HJURP: variants seen among roughly 807,000 people sequenced by gnomAD.
The protein encoded by HJURP is 14-3-3-associated AKT substrate.
In HJURP, 49 loss-of-function variants were observed where a neutral mutation model predicts 72.0. The observed-to-expected ratio is 0.68, with a 90% CI of 0.54 to 0.86. HJURP has a LOEUF of 0.86. HJURP is among the 40% of genes least tolerant of loss of function. HJURP has a pLI of 0.00. For synonymous variants in HJURP, 357 were observed against 347.1 expected (o/e 1.03, Z -0.32); for missense variants, 908 against 936.3 (o/e 0.97, Z 0.39).
chr2:233,847,442 G>C lies in HJURP; in HGVS notation c.357C>G (p.Val119=). The C allele has an allele frequency of 2.5e-6, 4 of 1,613,946 alleles. No individual in the cohort carries two copies. The highest frequency in any genetic ancestry group is 3.4e-6 in the Non-Finnish European group (4 of 1,179,854). The change falls in exon 5 of 9, where the codon GTC becomes GTG. Residue 119 remains valine, a synonymous_variant. Coordinates refer to ENST00000411486, the MANE Select transcript of HJURP (RefSeq NM_018410.5). ...ACTCTTCCTGGTCTGACGTGGCATCGACCTCACCGCTTTTTGAATCTAAAA... is the reference window on the plus strand; with the variant it reads ...ACTCTTCCTGGTCTGACGTGGCATCCACCTCACCGCTTTTTGAATCTAAAA... The part of the protein sequence containing the change: ...VLGADSKSGE[V]DATSDQEESV...
intron 8 of HJURP, among the ~76,000 whole-genome samples, chr2:233,838,416 G>C (rs1401564244): frequency 6.6e-6 from 1 of 152,142 alleles, no homozygotes; most frequent in Non-Finnish European, 1.5e-5. Context: ...GACTGAGCAG[G>C]TGAAAAAGCA....
chr2:233,841,974 T>A lies in HJURP; in HGVS notation c.806A>T (p.His269Leu), dbSNP rs1454254820. The change falls in exon 8 of 9, where the codon CAC (histidine) becomes CTC (leucine). Residue 269 changes from histidine (H) to leucine (L), a missense_variant. His to Leu is a moderately conservative substitution (Grantham distance 99, BLOSUM62 -3). Coordinates refer to ENST00000411486, the MANE Select transcript of HJURP (RefSeq NM_018410.5). ...TISDLYAGML[H>L]SMSRLLSTKP... ...TGTGCTCAACAGCCGGCTCATGGAG[T>A]GCAGCATCCCTGCGTACAGGTCACT... The A allele has an allele frequency of 6.8e-6, 11 of 1,613,990 alleles. No individual in the cohort carries two copies. The highest frequency in any genetic ancestry group is 9.3e-6 in the Non-Finnish European group (11 of 1,180,014).
chr2:233,853,870 GC>G lies in HJURP; in HGVS notation c.157del (p.Ala53ProfsTer3). 1 of 1,614,026 alleles carries G rather than the reference GC, an allele frequency of 6.2e-7. No homozygotes were observed. Among genetic ancestry groups the G allele is most frequent in the East Asian group, 2.2e-5 (1 of 44,868 alleles). On this transcript the variant is annotated frameshift_variant, in exon 2 of 9. Transcript: ENST00000411486. LOFTEE classifies it high-confidence loss of function. The stretch of plus-strand genomic sequence containing the variant: ...CTGTGGCGTCTCGTAGGTCAGCGTG[GC>G]CATTTGCACCACCGGGGTGTCCTCG... ...PFEDTPVVQM[A>X]TLTYETPQGL...
chr2:233,838,619 A>T (rs1705140375), intron 8 of HJURP, among the ~76,000 whole-genome samples: 1 of 152,262 alleles, frequency 6.6e-6, no homozygotes, highest in South Asian at 2.1e-4. Flanking sequence ...GACAAGCAGG[A>T]CGAGCAGAGC....
Position 233,840,978 on chromosome 2 carries a change from A to G in HJURP, c.1802T>C (p.Val601Ala), listed in dbSNP as rs1318544041. ...TGTAGACACTCCAATACATAAAGGC[A>G]CTGTCATCTGCCCAGGAGATTTGAG... ...YCLKSPGQMTVPLCIGVSTDK... is the reference protein window; with the variant it reads ...YCLKSPGQMTAPLCIGVSTDK... The change falls in exon 8 of 9, where the codon GTG (valine) becomes GCG (alanine). Residue 601 changes from valine (V) to alanine (A), a missense_variant. By Grantham distance (64) the Val-to-Ala change is moderately conservative. Transcript: ENST00000411486. The G allele has an allele frequency of 1.9e-6, 3 of 1,614,094 alleles. No homozygotes were observed. Among genetic ancestry groups the G allele is most frequent in the Non-Finnish European group, 2.5e-6 (3 of 1,180,040 alleles).
Position 233,847,465 on chromosome 2 carries a change from A to G in HJURP, c.338-4T>C, listed in dbSNP as rs752460615. 1.5e-5 allele frequency: 25 copies of G among 1,613,058 alleles called. No individual in the cohort carries two copies. The Admixed American group carries it at 3.7e-4, about 24-fold the overall frequency. On this transcript the variant is annotated splice_polypyrimidine_tract_variant and splice_region_variant and intron_variant, in intron 4 of 8. Coordinates refer to ENST00000411486, the MANE Select transcript of HJURP (RefSeq NM_018410.5). ...TCGACCTCACCGCTTTTTGAATCTA[A>G]AAGTCAAACAAGTAAATCTCAATCA...
chr2:233,838,563 A>G (rs1342394930), intron 8 of HJURP, among the ~76,000 whole-genome samples: 1 of 152,068 alleles, frequency 6.6e-6, no homozygotes, highest in Non-Finnish European at 1.5e-5. Flanking sequence ...GGATGATGGT[A>G]AAAGGAAGAG....
rs1213051352 is a variant in HJURP at position 233,846,750 on chromosome 2, C to T, written c.402+647G>A. Among the ~76,000 whole-genome samples, 1 of 152,196 alleles carries T rather than the reference C, an allele frequency of 6.6e-6. No homozygotes were observed. Among genetic ancestry groups the T allele is most frequent in the East Asian group, 1.9e-4 (1 of 5,184 alleles). On this transcript the variant is annotated intron_variant, in intron 5 of 8. Coordinates refer to ENST00000411486, the MANE Select transcript of HJURP (RefSeq NM_018410.5). This position sits in a 1 kb window ranked among gnomAD's most constrained non-coding sequence, Gnocchi z 4.3. ...AAAAGTAGCAATTTTAGAGGAAAACCATGCATCAGGTATTCTGGCAGGCAA... is the reference window on the plus strand; with the variant it reads ...AAAAGTAGCAATTTTAGAGGAAAACTATGCATCAGGTATTCTGGCAGGCAA...
In HJURP at chr2:233,840,714, T is replaced by C. The variant is rs1705200165; in HGVS notation, c.2066A>G (p.Gln689Arg). The C allele has an allele frequency of 2.5e-6, 4 of 1,614,068 alleles. No individual in the cohort carries two copies. Among genetic ancestry groups the C allele is most frequent in the Non-Finnish European group, 3.4e-6 (4 of 1,180,006 alleles). ...GGAATTGCCCTGGCGTCCGGAGCCC[T>C]GGGGTTCTGATAGCCTGGGTCTTTT... ...PAKRPRLSEP[Q>R]GSGRQGNSLG... is the part of the protein sequence containing the mutation. Residue 689 changes from glutamine (Q) to arginine (R), a missense_variant, in exon 8 of 9, where the codon CAG becomes CGG. By Grantham distance (43) the Gln-to-Arg change is conservative (BLOSUM62 1). Transcript: ENST00000411486.
intron 4 of HJURP, 74 bp from the exon 5 acceptor site, chr2:233,847,535 G>T: frequency 8.0e-7 from 1 of 1,251,116 alleles, no homozygotes; most frequent in Non-Finnish European, 1.2e-6. Flanking sequence ...GATGGTTTTG[G>T]CATCACTTCG....
intron 2 of HJURP, among the ~76,000 whole-genome samples, chr2:233,853,314 T>C (rs1705539470): frequency 6.6e-6 from 1 of 152,208 alleles, no homozygotes; most frequent in African/African-American, 2.4e-5. Context: ...ATCCACAAGA[T>C]TTCAGTCCGT....
In HJURP at chr2:233,840,778, T is replaced by C. The variant is rs746827335; in HGVS notation, c.2002A>G (p.Ile668Val). The C allele has an allele frequency of 2.0e-5, 33 of 1,613,520 alleles. No homozygotes were observed. In the African/African-American group the frequency reaches 2.1e-4, roughly 10 times the overall value. The change falls in exon 8 of 9, where the codon ATC becomes GTC. Residue 668 changes from isoleucine to valine, a missense_variant. Ile to Val is a conservative substitution (Grantham distance 29). This residue lies in a region of HJURP where 598 missense variants were observed against 619.5 expected (regional missense o/e 0.97). Transcript: ENST00000411486. ...APSSTCVARA[I>V]TRDGTRDHQF... ...TGGTCCCTCGTGCCATCCCTCGTGA[T>C]GGCACGAGCAACACATGTAGATGAA... is the stretch of plus-strand genomic sequence containing the variant.
At chr2:233,842,327 A>G in intron 7 of HJURP, 122 bp from the exon 8 acceptor site, 1 of 764,350 alleles carries the variant, frequency 1.3e-6, no homozygotes. Context: ...CAAAAACAAA[A>G]ACACCACAAA....
In HJURP at chr2:233,854,359, C is replaced by G. The variant is rs199850588; in HGVS notation, c.117+25G>C. On this transcript the variant is annotated intron_variant, in intron 1 of 8. Coordinates refer to ENST00000411486, the MANE Select transcript of HJURP (RefSeq NM_018410.5). ...TCACTCCGACACGCAGGCCTCCCCT[C>G]CCGGCGGACCGGCGGGGGCCGCACC... 2.0e-5 allele frequency: 31 copies of G among 1,556,910 alleles called. No homozygotes were observed. In the East Asian group the frequency reaches 7.0e-4, roughly 35 times the overall value.
intron 3 of HJURP, 108 bp from the exon 4 acceptor site, chr2:233,849,967 A>C (rs1705461277): frequency 1.5e-6 from 1 of 689,314 alleles, no homozygotes; most frequent in South Asian, 1.7e-5. Context: ...AGGAGACAGC[A>C]AGAGCCTGCC....
rs375087542 is a variant in HJURP, at chr2:233,854,369, C to G, written c.117+15G>C. ...ACGCAGGCCTCCCCTCCCGGCGGAC[C>G]GGCGGGGGCCGCACCTTCTCTATCA... On this transcript the variant is annotated intron_variant, in intron 1 of 8. Coordinates refer to ENST00000411486, the MANE Select transcript of HJURP (RefSeq NM_018410.5). 107 of 1,554,312 alleles carry G rather than the reference C, an allele frequency of 6.9e-5. No individual in the cohort carries two copies. The African/African-American group carries it at 1.3e-3, about 19-fold the overall frequency.
In HJURP at chr2:233,841,997, A is replaced by G. The variant is rs148070364; in HGVS notation, c.783T>C (p.Ser261=). 1,121 of 1,614,214 alleles carry G rather than the reference A, an allele frequency of 6.9e-4. No homozygotes were observed. The highest frequency in any genetic ancestry group is 6.1e-4 in the Non-Finnish European group (719 of 1,180,036). The stretch of plus-strand genomic sequence containing the variant: ...AGTGCAGCATCCCTGCGTACAGGTC[A>G]CTGATGGTCACATTGCAAATGTCAT... ...EDDDICNVTI[S]DLYAGMLHSM... is the part of the protein sequence containing the mutation. The change falls in exon 8 of 9, where the codon AGT becomes AGC. Residue 261 remains serine (S), a synonymous_variant. Transcript: ENST00000411486.
intron 6 of HJURP, 139 bp downstream of exon 6, chr2:233,845,589 T>C: frequency 1.7e-6 from 1 of 600,612 alleles, no homozygotes; most frequent in Non-Finnish European, 2.9e-6. Flanking sequence ...AGCATGTGAA[T>C]AAAACAATTT....
In HJURP at chr2:233,844,283, A is replaced by G. The variant is rs2124967264; in HGVS notation, c.496T>C (p.Cys166Arg). 1 of 1,613,922 alleles carries G rather than the reference A, an allele frequency of 6.2e-7. No individual in the cohort carries two copies. The highest frequency in any genetic ancestry group is 1.1e-5 in the South Asian group (1 of 91,074). ...TCCCTTCCAGCTCTGTTACCTGCAC[A>G]CTGAAATCAGAGCCAGTGGTTACAA... is the stretch of plus-strand genomic sequence containing the variant. Reference protein sequence around the residue: ...ILLQGAEYFECAGNRAGRDVR... With the variant: ...ILLQGAEYFERAGNRAGRDVR... The change falls in exon 7 of 9, where the codon TGT (cysteine) becomes CGT (arginine). Residue 166 changes from cysteine to arginine, a missense_variant and splice_region_variant. Around this residue, in one of 3 missense-constraint regions of HJURP, gnomAD observed 299 missense variants for 286.7 expected, o/e 1.04. Transcript: ENST00000411486.
Sources: gnomAD v4.1 joint callset for allele counts (sites outside exome capture counted in the v4.1 genomes callset) on GRCh38, gnomAD v4.1.1 for gene constraint, gnomAD v4.1.1 regional missense constraint, Gnocchi (gnomAD v3.1) non-coding constraint, MANE v1.5 for transcripts, NCBI Gene and HGNC (gene_info 2026-07-23, HGNC 2026-07-21) for gene names.